Variants in FERRY3 observed in about 807,000 individuals in gnomAD.
FERRY3 encodes protein C12orf4.
At chr12:4,504,370 C>CAAAT in the FERRY3 span, among the ~76,000 whole-genome samples, 1 of 151,968 alleles carries the variant, frequency 6.6e-6, no homozygotes, top group Non-Finnish European at 1.5e-5. Context: ...ATAAAGTGTA[C>CAAAT]AAATAGTCCT....
chr12:4,531,929 A>C, the FERRY3 span, among the ~76,000 whole-genome samples: 5,501 of 152,190 alleles, frequency 0.036, 331 homozygotes, highest in African/African-American at 0.12. Flanking sequence ...AGTCCCAATT[A>C]GGGAAAAGGA....
the FERRY3 span, chr12:4,502,210 C>A: frequency 3.3e-6 from 1 of 300,092 alleles, no homozygotes; most frequent in East Asian, 1.2e-4. The surrounding 1 kb of genome is among the most constrained non-coding windows in gnomAD (Gnocchi z 4.2). Flanking sequence ...CACTGAAATT[C>A]TTTTATGTAC....
At chr12:4,490,523 T>C in the FERRY3 span, 1 of 1,599,724 alleles carries the variant, frequency 6.3e-7, no homozygotes, top group Non-Finnish European at 8.5e-7. Flanking sequence ...ATAACATACC[T>C]GTGGTACTAG....
chr12:4,516,947 T>C, the FERRY3 span: 1 of 982,528 alleles, frequency 1.0e-6, no homozygotes, highest in South Asian at 4.9e-5. Flanking sequence ...AATCTTAATT[T>C]TGTTTTTAAT....
chr12:4,534,328 C>A, the FERRY3 span: 1 of 1,568,744 alleles, frequency 6.4e-7, no homozygotes. Flanking sequence ...CAAACACCAT[C>A]GTCAGCAAAA....
the FERRY3 span, chr12:4,490,480 A>G: frequency 7.5e-6 from 11 of 1,460,996 alleles, no homozygotes; most frequent in Middle Eastern, 5.3e-4. Context: ...GAAATCTAAT[A>G]AAAGAGATTA....
chr12:4,533,218 T>A, the FERRY3 span, among the ~76,000 whole-genome samples: 1 of 152,330 alleles, frequency 6.6e-6, no homozygotes, highest in African/African-American at 2.4e-5. Flanking sequence ...GTCTTCCCAG[T>A]TATGATTAAT....
the FERRY3 span, chr12:4,518,891 T>C: frequency 1.3e-6 from 2 of 1,498,756 alleles, no homozygotes; most frequent in Non-Finnish European, 1.8e-6. Context: ...CTAAAAGTAA[T>C]AAAATTATTG....
the FERRY3 span, chr12:4,525,329 A>T: frequency 6.2e-7 from 1 of 1,613,506 alleles, no homozygotes; most frequent in Non-Finnish European, 8.5e-7. Flanking sequence ...TTGTTTTTGG[A>T]TGGCAGTTGA....
the FERRY3 span, among the ~76,000 whole-genome samples, chr12:4,510,284 G>C: frequency 6.7e-6 from 1 of 148,414 alleles, no homozygotes; most frequent in Non-Finnish European, 1.5e-5. Flanking sequence ...GTACCTGAAA[G>C]TGATGGGGAG....
chr12:4,494,276 G>C, the FERRY3 span, among the ~76,000 whole-genome samples: 11 of 151,864 alleles, frequency 7.2e-5, no homozygotes, highest in South Asian at 4.1e-4. Context: ...TTATGTGACA[G>C]CCTGAGGCTT....
At chr12:4,516,109 C>T in the FERRY3 span, among the ~76,000 whole-genome samples, 614 of 152,124 alleles carry the variant, frequency 4.0e-3, 2 homozygotes, top group African/African-American at 0.014. Context: ...TTAAGACAGT[C>T]AAAGATATGA....
chr12:4,491,973 G>C, the FERRY3 span, among the ~76,000 whole-genome samples: 1 of 152,264 alleles, frequency 6.6e-6, no homozygotes, highest in Non-Finnish European at 1.5e-5. Context: ...CCAGCTACTT[G>C]AGAGGTTGAA....
chr12:4,492,016 T>G, the FERRY3 span, among the ~76,000 whole-genome samples: 1 of 152,150 alleles, frequency 6.6e-6, no homozygotes, highest in African/African-American at 2.4e-5. Context: ...AGAGTTCAAG[T>G]CCACCTGGGC....
chr12:4,501,543 T>A, the FERRY3 span, among the ~76,000 whole-genome samples: 6 of 152,232 alleles, frequency 3.9e-5, no homozygotes, highest in Middle Eastern at 3.4e-3. Context: ...AGTGGCAGCA[T>A]TAGATTCTCA....
chr12:4,527,461 T>TTATC, the FERRY3 span, among the ~76,000 whole-genome samples: 1 of 152,176 alleles, frequency 6.6e-6, no homozygotes, highest in African/African-American at 2.4e-5. Flanking sequence ...AACCTATATA[T>TTATC]TATCTTGAAG....
chr12:4,491,117 T>C, the FERRY3 span: 6 of 1,509,064 alleles, frequency 4.0e-6, no homozygotes, highest in Non-Finnish European at 5.5e-6. Flanking sequence ...TGGGTTGCTC[T>C]ACTTTCAATG....
chr12:4,529,229 T>C, the FERRY3 span, among the ~76,000 whole-genome samples: 1 of 152,298 alleles, frequency 6.6e-6, no homozygotes, highest in African/African-American at 2.4e-5. Context: ...AAAGCATTGT[T>C]TGTATACTGT....
At chr12:4,502,921 G>C in the FERRY3 span, among the ~76,000 whole-genome samples, 1 of 152,270 alleles carries the variant, frequency 6.6e-6, no homozygotes, top group South Asian at 2.1e-4. This position sits in a 1 kb window ranked among gnomAD's most constrained non-coding sequence, Gnocchi z 4.2. Flanking sequence ...AATTCGTGAG[G>C]AATAGTGTAG....
Sources: allele counts gnomAD v4.1 joint callset (sites outside exome capture counted in the v4.1 genomes callset), GRCh38; gene constraint gnomAD v4.1.1; non-coding constraint Gnocchi (gnomAD v3.1); transcripts MANE v1.5; gene names NCBI Gene and HGNC (gene_info 2026-07-23, HGNC 2026-07-21).